The following PLCL1 variants were observed in gnomAD, a reference collection of about 807,000 sequenced individuals.
PLCL1 encodes inactive phospholipase C-like protein 1.
A neutral mutation model predicts 84.4 loss-of-function variants in PLCL1; 41 were observed. The observed-to-expected ratio is 0.49, with a 90% CI of 0.38 to 0.63. The LOEUF (loss-of-function observed/expected upper bound fraction) is 0.63, where lower values mean the gene tolerates loss of function less well. Ranked by LOEUF, PLCL1 falls within the 30% of genes least tolerant of loss-of-function variation. The probability of loss-of-function intolerance (pLI) is 0.00; values close to 1 mark genes in which losing one functional copy is unlikely to be tolerated. For synonymous variants in PLCL1, 490 were observed against 488.3 expected (o/e 1.00, Z -0.05); for missense variants, 1,206 against 1,367.8 (o/e 0.88, Z 1.87).
intron 1 of PLCL1, among the ~76,000 whole-genome samples, chr2:197,963,470 A>C (rs189780875): frequency 5.3e-5 from 8 of 152,178 alleles, no homozygotes; most frequent in East Asian, 1.9e-4. Context: ...GAGCTCTTAC[A>C]TACTCTGGTT....
At position 197,933,274 on chromosome 2, in the gene PLCL1, T is replaced by A. The variant is rs574991657; in HGVS notation, c.240+127935T>A. 2.2e-4 allele frequency among the ~76,000 whole-genome samples: 32 copies of A among 148,350 alleles called. 1 individual carries two copies. The highest frequency in any genetic ancestry group is 2.1e-3 in the Admixed American group (31 of 14,982). ...CTTTTTTTTTTCTTTTCTTTTTTTTTTTTTTTTGAGACGGAGTCTCTCTCT... is the reference window on the plus strand; with the variant it reads ...CTTTTTTTTTTCTTTTCTTTTTTTTATTTTTTTGAGACGGAGTCTCTCTCT... On this transcript the variant is annotated intron_variant, in intron 1 of 5. Coordinates refer to ENST00000428675, the MANE Select transcript of PLCL1 (RefSeq NM_006226.4).
chr2:197,937,157 C>G (rs2105770851), intron 1 of PLCL1, among the ~76,000 whole-genome samples: 1 of 152,272 alleles, frequency 6.6e-6, no homozygotes, highest in African/African-American at 2.4e-5. Context: ...TACTTTATGC[C>G]AGTAGCACAC....
chr2:198,081,098 C>G (rs146363116), intron 1 of PLCL1, among the ~76,000 whole-genome samples: 1 of 152,118 alleles, frequency 6.6e-6, no homozygotes, highest in African/African-American at 2.4e-5. Flanking sequence ...CTGTGGAGAA[C>G]GCTAGCATAA....
intron 1 of PLCL1, among the ~76,000 whole-genome samples, chr2:197,832,589 A>G (rs1691090725): frequency 6.6e-6 from 1 of 152,210 alleles, no homozygotes; most frequent in South Asian, 2.1e-4. Flanking sequence ...AGGAGTTGGT[A>G]CCATTCCTTC....
At chr2:197,817,505 C>T (rs1355762821) in intron 1 of PLCL1, among the ~76,000 whole-genome samples, 2 of 151,958 alleles carry the variant, frequency 1.3e-5, no homozygotes, top group African/African-American at 4.8e-5. Context: ...GATTTGAACT[C>T]CTGGGCTTAA....
At chr2:197,973,912 G>A (rs1422215779) in intron 1 of PLCL1, among the ~76,000 whole-genome samples, 1 of 152,164 alleles carries the variant, frequency 6.6e-6, no homozygotes, top group East Asian at 1.9e-4. Flanking sequence ...AATGGATAGT[G>A]GAGGAGTAGA....
intron 1 of PLCL1, among the ~76,000 whole-genome samples, chr2:198,033,917 G>C (rs924927379): frequency 5.3e-5 from 8 of 151,496 alleles, no homozygotes; most frequent in Admixed American, 5.3e-4. Flanking sequence ...TCGTGTTTCT[G>C]TGTGTGTGTG....
chr2:197,988,674 C>T (rs892598677), intron 1 of PLCL1, among the ~76,000 whole-genome samples: 7 of 152,144 alleles, frequency 4.6e-5, no homozygotes, highest in African/African-American at 1.7e-4. Flanking sequence ...AATTGTGCTG[C>T]AATAAACATT....
In PLCL1 at chr2:198,147,167, CAT is replaced by C. The variant is rs887000787; in HGVS notation, c.*206_*207del. 1.9e-4 allele frequency: 83 copies of C among 430,070 alleles called. No individual in the cohort carries two copies. The highest frequency in any genetic ancestry group is 8.7e-4 in the Admixed American group (23 of 26,478). The allele number at this position is 430,070 out of a possible 1,614,324, so 26.6% of individuals were successfully genotyped here. A position where few individuals can be genotyped will look rare whatever the true frequency, so the allele number is the denominator to read the frequency against. ...AGTATCAGTGTTTTAAATTCTGAGACATGTGTCAACACCCCTGTGTGGATGCC... is the reference window on the plus strand; with the variant it reads ...AGTATCAGTGTTTTAAATTCTGAGACGTGTCAACACCCCTGTGTGGATGCC... On this transcript the variant is annotated 3_prime_UTR_variant, in exon 6 of 6. Transcript: ENST00000428675.
chr2:198,084,990 G>A lies in PLCL1; in HGVS notation c.1473G>A (p.Leu491=). The A allele has an allele frequency of 1.2e-6, 2 of 1,614,004 alleles. No individual in the cohort carries two copies. Among genetic ancestry groups the A allele is most frequent in the Non-Finnish European group, 1.7e-6 (2 of 1,180,002 alleles). The change falls in exon 2 of 6, where the codon TTG becomes TTA. Residue 491 remains leucine, a synonymous_variant. Transcript: ENST00000428675. ...CTGAATACCCACTCATTCTTTGCTT[G>A]GGAAATCACTGCTCCTTGCCGCAGC... ...VASEYPLILC[L]GNHCSLPQQK...
At chr2:198,079,959 G>A (rs192979890) in intron 1 of PLCL1, among the ~76,000 whole-genome samples, 9 of 152,330 alleles carry the variant, frequency 5.9e-5, no homozygotes, top group Admixed American at 2.0e-4. Context: ...TGCTCAAAGA[G>A]AGACTTTGGT....
chr2:198,135,715 C>A (rs909328895), intron 5 of PLCL1, among the ~76,000 whole-genome samples: 1 of 152,152 alleles, frequency 6.6e-6, no homozygotes, highest in East Asian at 1.9e-4. Context: ...AAACAGAGCA[C>A]CCCCGTAGGA....
intron 1 of PLCL1, among the ~76,000 whole-genome samples, chr2:197,844,619 T>C (rs1225494630): frequency 1.3e-5 from 2 of 151,872 alleles, no homozygotes; most frequent in Admixed American, 1.3e-4. Flanking sequence ...ATTTTCATTA[T>C]TTTAATCTCT....
At chr2:198,018,185 C>T (rs571445226) in intron 1 of PLCL1, among the ~76,000 whole-genome samples, 8 of 152,200 alleles carry the variant, frequency 5.3e-5, no homozygotes, top group Non-Finnish European at 1.0e-4. Flanking sequence ...CCATGAGGGA[C>T]AGTGCTATCA....
chr2:198,116,679 TAGA>T, intron 5 of PLCL1, among the ~76,000 whole-genome samples: 1 of 151,940 alleles, frequency 6.6e-6, no homozygotes, highest in African/African-American at 2.4e-5. Context: ...AACCATGACT[TAGA>T]ATTAAGTATT....
intron 1 of PLCL1, among the ~76,000 whole-genome samples, chr2:197,995,522 G>A (rs1041361406): frequency 6.6e-6 from 1 of 152,116 alleles, no homozygotes; most frequent in African/African-American, 2.4e-5. Flanking sequence ...GGGGCCTAAT[G>A]GGGTGACCCA....
At chr2:197,931,584 C>T (rs1688932263) in intron 1 of PLCL1, among the ~76,000 whole-genome samples, 1 of 136,198 alleles carries the variant, frequency 7.3e-6, no homozygotes, top group African/African-American at 2.9e-5. Context: ...TGGAGATGGC[C>T]TTATTGAGTA....
At chr2:197,945,728 A>G (rs1689258640) in intron 1 of PLCL1, among the ~76,000 whole-genome samples, 1 of 152,196 alleles carries the variant, frequency 6.6e-6, no homozygotes, top group Non-Finnish European at 1.5e-5. Context: ...GGATTAAATG[A>G]GTTAATATGT....
At chr2:198,018,366 A>G (rs529622156) in intron 1 of PLCL1, among the ~76,000 whole-genome samples, 2 of 152,290 alleles carry the variant, frequency 1.3e-5, no homozygotes, top group Admixed American at 1.3e-4. Context: ...GGCACCTGGA[A>G]CACCAGCGAG....
Sources: gnomAD v4.1 joint callset for allele counts (sites outside exome capture counted in the v4.1 genomes callset) on GRCh38, gnomAD v4.1.1 for gene constraint, MANE v1.5 for transcripts, NCBI Gene and HGNC (gene_info 2026-07-23, HGNC 2026-07-21) for gene names.